Variants in DISC1 observed in about 807,000 individuals in gnomAD.
The protein encoded by DISC1 is disrupted in schizophrenia 1 protein.
Under a neutral mutation model 84.5 loss-of-function variants are expected in DISC1, and 57 were observed. That is an observed-to-expected ratio of 0.67 (90% confidence interval 0.55 to 0.84). The LOEUF is 0.84. DISC1 is among the 40% of genes least tolerant of loss of function. The pLI is 0.00. For missense variants in DISC1, 1,000 were observed against 1,057.8 expected (o/e 0.95, Z 0.76); for synonymous variants, 411 against 415.2 (o/e 0.99, Z 0.12).
chr1:231,975,084 G>A (rs1662598951), intron 10 of DISC1, among the ~76,000 whole-genome samples: 4 of 152,104 alleles, frequency 2.6e-5, no homozygotes, highest in Admixed American at 2.6e-4. Flanking sequence ...TAGCAACAGA[G>A]AGAGACTCAA....
At chr1:231,933,334 T>C (rs984012822) in intron 9 of DISC1, among the ~76,000 whole-genome samples, 1 of 152,224 alleles carries the variant, frequency 6.6e-6, no homozygotes, top group Admixed American at 6.5e-5. Flanking sequence ...CTTTCAATTG[T>C]AAGAGGAGCT....
intron 8 of DISC1, 44 bp from the exon 9 acceptor site, chr1:231,818,285 T>TGTAAA: frequency 6.3e-7 from 1 of 1,592,060 alleles, no homozygotes; most frequent in Non-Finnish European, 8.6e-7. Context: ...GTGTGGATGC[T>TGTAAA]GTAAAGCTTG....
chr1:231,800,993 G>A (rs1421917343), intron 8 of DISC1, among the ~76,000 whole-genome samples: 34 of 151,966 alleles, frequency 2.2e-4, no homozygotes, highest in African/African-American at 8.2e-4. Flanking sequence ...AGGTTGAATG[G>A]ACCCAGAGCT....
At chr1:231,706,277 G>A (rs1371366457) in intron 3 of DISC1, among the ~76,000 whole-genome samples, 1 of 152,124 alleles carries the variant, frequency 6.6e-6, no homozygotes, top group Non-Finnish European at 1.5e-5. Context: ...GTCAGGTGAG[G>A]GGCAAGTTTG....
At chr1:231,933,901 T>C (rs2090823204) in intron 9 of DISC1, among the ~76,000 whole-genome samples, 1 of 152,166 alleles carries the variant, frequency 6.6e-6, no homozygotes, top group African/African-American at 2.4e-5. Flanking sequence ...GAGCCTCCCT[T>C]GAGACCGGCA....
Position 231,952,692 on chromosome 1 carries a change from TA to T in DISC1, c.1982-6135del, listed in dbSNP as rs1322176546. Among the ~76,000 whole-genome samples the T allele has an allele frequency of 1.6e-4, 13 of 81,074 alleles. No homozygotes were observed. The East Asian group carries it at 0.016, about 99-fold the overall frequency. The allele number at this position is 81,074 out of a possible 152,430, so 53.2% of individuals were successfully genotyped here. ...CTATTGTCTCTCATATATATATGTT[TA>T]TATATATATATATATATATATGTAT... is the stretch of plus-strand genomic sequence containing the variant. On this transcript the variant is annotated intron_variant, in intron 9 of 12. Transcript: ENST00000439617.
At chr1:231,934,390 G>A (rs2090857575) in intron 9 of DISC1, among the ~76,000 whole-genome samples, 1 of 152,224 alleles carries the variant, frequency 6.6e-6, no homozygotes, top group African/African-American at 2.4e-5. Context: ...CCAGGGCGTG[G>A]AGGCCATGCT....
intron 9 of DISC1, chr1:231,818,828 G>A (rs2081280995): frequency 3.5e-6 from 4 of 1,157,734 alleles, no homozygotes; most frequent in Non-Finnish European, 4.3e-6. Flanking sequence ...CATTTTCTTT[G>A]TGTGACAATT....
At chr1:231,758,508 G>T (rs1260253658) in intron 4 of DISC1, among the ~76,000 whole-genome samples, 1 of 152,138 alleles carries the variant, frequency 6.6e-6, no homozygotes, top group East Asian at 1.9e-4. Flanking sequence ...ATTGAGAGTG[G>T]TGGTTGATTG....
At chr1:231,632,183 G>C (rs572437611) in intron 1 of DISC1, among the ~76,000 whole-genome samples, 1 of 152,170 alleles carries the variant, frequency 6.6e-6, no homozygotes, top group African/African-American at 2.4e-5. Flanking sequence ...CTAGGTTTTT[G>C]TGAGTACACT....
At chr1:231,918,368 A>G (rs963767657) in intron 9 of DISC1, among the ~76,000 whole-genome samples, 2 of 152,236 alleles carry the variant, frequency 1.3e-5, no homozygotes, top group Non-Finnish European at 2.9e-5. Flanking sequence ...ATGGTAGCCT[A>G]TCAATAACGT....
intron 9 of DISC1, among the ~76,000 whole-genome samples, chr1:231,928,437 T>G (rs1172199793): frequency 6.6e-6 from 1 of 152,228 alleles, no homozygotes; most frequent in Admixed American, 6.5e-5. Flanking sequence ...AGCTTGATTC[T>G]TCTCTCTTTT....
chr1:231,978,081 T>A (rs1436740952), intron 10 of DISC1, among the ~76,000 whole-genome samples: 2 of 152,362 alleles, frequency 1.3e-5, no homozygotes, highest in African/African-American at 4.8e-5. Context: ...TGGTTTTTTT[T>A]TTCCTGTATT....
chr1:231,751,695 G>C (rs1350288692), intron 4 of DISC1, among the ~76,000 whole-genome samples: 1 of 152,108 alleles, frequency 6.6e-6, no homozygotes, highest in African/African-American at 2.4e-5. Context: ...TGACTACTCT[G>C]TGTACCTCAT....
intron 9 of DISC1, among the ~76,000 whole-genome samples, chr1:231,948,536 G>A (rs1754611): frequency 0.34 from 51,234 of 151,690 alleles, 9,985 homozygotes; most frequent in East Asian, 0.74. Flanking sequence ...GCAAAACACC[G>A]TGGCACGTGT....
Position 231,959,061 on chromosome 1 carries a change from C to T in DISC1, c.2042+173C>T, listed in dbSNP as rs1434724727. The T allele has an allele frequency of 2.2e-6, 3 of 1,390,928 alleles. No homozygotes were observed. The East Asian group carries it at 8.3e-5, about 38-fold the overall frequency. The allele number at this position is 1,390,928 out of a possible 1,614,324, so 86.2% of individuals were successfully genotyped here. A position where few individuals can be genotyped will look rare whatever the true frequency, so the allele number is the denominator to read the frequency against. On this transcript the variant is annotated intron_variant, in intron 10 of 12. Transcript: ENST00000439617. Reference sequence around the variant, plus strand: ...CAGTGAAAGAGCAGGTGCCAGCCCTCATCTTGTCTTTTAAAAAGTAAGTAG... The same window carrying T: ...CAGTGAAAGAGCAGGTGCCAGCCCTTATCTTGTCTTTTAAAAAGTAAGTAG...
intron 8 of DISC1, among the ~76,000 whole-genome samples, chr1:231,803,578 GT>G (rs2079451739): frequency 6.6e-6 from 1 of 152,094 alleles, no homozygotes; most frequent in African/African-American, 2.4e-5. Flanking sequence ...CACAAGAGCT[GT>G]GCCCTAGGAC....
chr1:231,893,628 G>A (rs1040330056), intron 9 of DISC1, among the ~76,000 whole-genome samples: 4 of 152,108 alleles, frequency 2.6e-5, no homozygotes, highest in African/African-American at 9.7e-5. Context: ...CTGGGACTGG[G>A]CTACCTGCGG....
intron 9 of DISC1, among the ~76,000 whole-genome samples, chr1:231,856,759 T>C (rs754660367): frequency 6.6e-6 from 1 of 152,228 alleles, no homozygotes; most frequent in Non-Finnish European, 1.5e-5. Flanking sequence ...TTCATCCTGC[T>C]GAACCTATCA....
Sources: gnomAD v4.1 joint callset for allele counts (sites outside exome capture counted in the v4.1 genomes callset) on GRCh38, gnomAD v4.1.1 for gene constraint, MANE v1.5 for transcripts, NCBI Gene and HGNC (gene_info 2026-07-23, HGNC 2026-07-21) for gene names.